The following PLD5 variants were observed in gnomAD, a reference collection of about 807,000 sequenced individuals.
PLD5 encodes phospholipase D family member 5.
A neutral mutation model predicts 61.1 loss-of-function variants in PLD5; 36 were observed. The ratio of observed to expected loss-of-function variants is 0.59; its 90% CI spans 0.45 to 0.78. The LOEUF is 0.78. Among genes scored for constraint, PLD5 ranks in the 30% least tolerant of loss-of-function variants. PLD5 has a pLI of 0.00. For missense variants in PLD5, 515 were observed against 644.4 expected (o/e 0.80, Z 2.17); for synonymous variants, 243 against 242.8 (o/e 1.00, Z -0.01).
rs199779933 is a variant in PLD5 at position 242,394,833 on chromosome 1, AATAT to A, written c.190-46595_190-46592del. Among the ~76,000 whole-genome samples the A allele has an allele frequency of 2.1e-4, 27 of 127,802 alleles. 5 individuals carry two copies. The highest frequency in any genetic ancestry group is 3.1e-4 in the Non-Finnish European group (20 of 63,522). 83.8% of individuals were successfully genotyped at this position (127,802 alleles called of 152,430 possible). On this transcript the variant is annotated intron_variant, in intron 1 of 9. Coordinates refer to ENST00000536534, the MANE Select transcript of PLD5 (RefSeq NM_001372062.1). ...ATGTGAATATATATACATATATGTG[AATAT>A]ATATACATATGTGAATATATATGTA...
At chr1:242,378,112 A>T (rs1379661122) in intron 1 of PLD5, among the ~76,000 whole-genome samples, 1 of 152,258 alleles carries the variant, frequency 6.6e-6, no homozygotes, top group East Asian at 1.9e-4. Flanking sequence ...ATGTAGAAAC[A>T]ACTCAAATTA....
chr1:242,333,158 T>TGCTC (rs1659292646), intron 2 of PLD5, among the ~76,000 whole-genome samples: 1 of 152,132 alleles, frequency 6.6e-6, no homozygotes, highest in Admixed American at 6.6e-5. Flanking sequence ...AAGATGGAGC[T>TGCTC]GTTCAGGCAG....
chr1:242,146,498 A>G (rs1664550557), intron 5 of PLD5, among the ~76,000 whole-genome samples: 2 of 152,202 alleles, frequency 1.3e-5, no homozygotes, highest in African/African-American at 2.4e-5. Context: ...AATTTTTATA[A>G]GAGAGATGGC....
chr1:242,088,514 T>C lies in PLD5; in HGVS notation c.*1340A>G, dbSNP rs964153931. 15 of 152,194 alleles carry C rather than the reference T, an allele frequency of 9.9e-5. No individual in the cohort carries two copies. The highest frequency in any genetic ancestry group is 2.9e-4 in the African/African-American group (12 of 41,450). The allele number at this position is 152,194 out of a possible 1,614,324, so 9.4% of individuals were successfully genotyped here. On this transcript the variant is annotated 3_prime_UTR_variant, in exon 10 of 10. Transcript: ENST00000536534. ...ATATTTCCTACCGTGACAACATCCT[T>C]GCGAGGTAGGTGAGTTATTACCGTC... is the stretch of plus-strand genomic sequence containing the variant.
intron 3 of PLD5, among the ~76,000 whole-genome samples, chr1:242,271,486 C>T (rs1674079985): frequency 6.6e-6 from 1 of 152,084 alleles, no homozygotes; most frequent in South Asian, 2.1e-4. Flanking sequence ...AGAACAACCT[C>T]TCACCAAAAC....
At chr1:242,440,944 G>A (rs78128599) in intron 1 of PLD5, among the ~76,000 whole-genome samples, 255 of 152,294 alleles carry the variant, frequency 1.7e-3, no homozygotes, top group African/African-American at 5.2e-3. Flanking sequence ...AAATTTGCAT[G>A]TACAAAGATG....
chr1:242,362,425 A>G (rs1432814091), intron 1 of PLD5, among the ~76,000 whole-genome samples: 1 of 152,072 alleles, frequency 6.6e-6, no homozygotes, highest in East Asian at 1.9e-4. Flanking sequence ...CACTATAGTT[A>G]TTGTTATTAT....
chr1:242,359,629 A>G (rs1660960282), intron 1 of PLD5, among the ~76,000 whole-genome samples: 1 of 152,170 alleles, frequency 6.6e-6, no homozygotes, highest in Non-Finnish European at 1.5e-5. Flanking sequence ...TCAGGCTGCA[A>G]AATAAGGTTG....
At chr1:242,398,939 C>A (rs1663761677) in intron 1 of PLD5, among the ~76,000 whole-genome samples, 1 of 152,018 alleles carries the variant, frequency 6.6e-6, no homozygotes, top group Non-Finnish European at 1.5e-5. Context: ...AACAGGAGAG[C>A]TAGGGACATA....
chr1:242,404,737 A>C (rs1664130071), intron 1 of PLD5, among the ~76,000 whole-genome samples: 1 of 151,410 alleles, frequency 6.6e-6, no homozygotes, highest in African/African-American at 2.4e-5. Context: ...GACTCCACAT[A>C]CACTCACACA....
intron 5 of PLD5, among the ~76,000 whole-genome samples, chr1:242,167,405 C>T (rs1666404615): frequency 6.6e-6 from 1 of 152,076 alleles, no homozygotes; most frequent in African/African-American, 2.4e-5. Flanking sequence ...GGGAACTGCC[C>T]TTTATGAAAC....
At chr1:242,242,140 G>A (rs750878625) in intron 4 of PLD5, among the ~76,000 whole-genome samples, 8 of 151,590 alleles carry the variant, frequency 5.3e-5, no homozygotes, top group Non-Finnish European at 7.4e-5. Flanking sequence ...CCTCAACAGC[G>A]TCTGGCACAT....
At chr1:242,330,414 T>C (rs1659097662) in intron 2 of PLD5, among the ~76,000 whole-genome samples, 1 of 152,202 alleles carries the variant, frequency 6.6e-6, no homozygotes, top group Non-Finnish European at 1.5e-5. Context: ...GGCCCTTACT[T>C]GGAAGCCTGG....
At chr1:242,182,572 G>A (rs1289203065) in intron 5 of PLD5, among the ~76,000 whole-genome samples, 3 of 152,176 alleles carry the variant, frequency 2.0e-5, no homozygotes, top group Non-Finnish European at 4.4e-5. Flanking sequence ...GCAGGGCGCA[G>A]TGGCTCACGC....
intron 1 of PLD5, chr1:242,449,273 A>C (rs1045483284): frequency 6.6e-7 from 1 of 1,518,904 alleles, no homozygotes; most frequent in Non-Finnish European, 8.8e-7. Context: ...CATGCTACCA[A>C]CAGCCATTTT....
chr1:242,442,710 C>T (rs1160036901), intron 1 of PLD5, among the ~76,000 whole-genome samples: 2 of 152,086 alleles, frequency 1.3e-5, no homozygotes, highest in African/African-American at 2.4e-5. Context: ...TTAAGTAAAT[C>T]GACACTCCAT....
intron 1 of PLD5, among the ~76,000 whole-genome samples, chr1:242,397,334 T>A: frequency 8.0e-6 from 1 of 125,740 alleles, no homozygotes; most frequent in Non-Finnish European, 1.7e-5. Flanking sequence ...TTGACTTCTG[T>A]TTTTTTTCTT....
chr1:242,187,456 G>A (rs1376989775), intron 5 of PLD5, among the ~76,000 whole-genome samples: 1 of 152,038 alleles, frequency 6.6e-6, no homozygotes, highest in South Asian at 2.1e-4. Flanking sequence ...TTTTTGTTGT[G>A]TGCACTTGTG....
At chr1:242,183,477 A>G (rs1391710329) in intron 5 of PLD5, among the ~76,000 whole-genome samples, 1 of 152,244 alleles carries the variant, frequency 6.6e-6, no homozygotes, top group Non-Finnish European at 1.5e-5. Flanking sequence ...GAGTAAGGGG[A>G]AAAGCAATTA....
Sources: allele counts gnomAD v4.1 joint callset (sites outside exome capture counted in the v4.1 genomes callset), GRCh38; gene constraint gnomAD v4.1.1; transcripts MANE v1.5; gene names NCBI Gene and HGNC (gene_info 2026-07-23, HGNC 2026-07-21).